ATXN10: variants seen among roughly 807,000 people sequenced by gnomAD.
ATXN10 encodes the protein ataxin-10.
ATXN10 carries 28 observed loss-of-function variants against 52.9 expected under a neutral mutation model. That is an observed-to-expected ratio of 0.53 (90% CI 0.39 to 0.73). The LOEUF is 0.73. Ranked by LOEUF, ATXN10 falls within the 30% of genes least tolerant of loss-of-function variation. The pLI, the probability that ATXN10 is intolerant of heterozygous loss-of-function variation, is 0.00. For synonymous variants in ATXN10, 226 were observed against 221.5 expected, an observed-to-expected ratio of 1.02 and a Z score of -0.18; for missense variants, 565 against 577.0, an observed-to-expected ratio of 0.98 and a Z score of 0.21.
At chr22:45,808,264 G>A (rs749369126) in intron 10 of ATXN10, among the ~76,000 whole-genome samples, 2 of 152,206 alleles carry the variant, frequency 1.3e-5, no homozygotes, top group Non-Finnish European at 2.9e-5. Context: ...AAAGCAGTAC[G>A]AGAATGTTCA....
Position 45,683,500 on chromosome 22 carries a change from C to A in ATXN10, c.117-6212C>A, listed in dbSNP as rs1267709286. 6.6e-6 allele frequency among the ~76,000 whole-genome samples: 1 copy of A among 152,160 alleles called. No homozygotes were observed. Among genetic ancestry groups the A allele is most frequent in the East Asian group, 1.9e-4 (1 of 5,200 alleles). Reference sequence around the variant, plus strand: ...CTTCCCTGTGACGTGCTCTGTATGCCTTTGCCTCTAGTCCAAGCTCTTCTC... The same window carrying A: ...CTTCCCTGTGACGTGCTCTGTATGCATTTGCCTCTAGTCCAAGCTCTTCTC... On this transcript the variant is annotated intron_variant, in intron 1 of 11. Transcript: ENST00000252934. This position sits in a 1 kb window ranked among gnomAD's most constrained non-coding sequence, Gnocchi z 4.8.
At chr22:45,788,065 G>C (rs1307516335) in intron 9 of ATXN10, among the ~76,000 whole-genome samples, 1 of 152,104 alleles carries the variant, frequency 6.6e-6, no homozygotes, top group Non-Finnish European at 1.5e-5. Flanking sequence ...GCCCTTTGCT[G>C]TCTCCATCTA....
intron 9 of ATXN10, among the ~76,000 whole-genome samples, chr22:45,796,162 C>T (rs971847618): frequency 1.1e-4 from 16 of 152,238 alleles, no homozygotes; most frequent in African/African-American, 2.9e-4. Context: ...AATGGCCGCT[C>T]AGGGAGTGTC....
intron 9 of ATXN10, among the ~76,000 whole-genome samples, chr22:45,782,574 T>A (rs1927186244): frequency 6.6e-6 from 1 of 152,080 alleles, no homozygotes; most frequent in South Asian, 2.1e-4. Context: ...GCCAAAGTAA[T>A]GTAGGGTGAT....
intron 10 of ATXN10, among the ~76,000 whole-genome samples, chr22:45,830,013 AGACAGACATCTGGACTAGTGG>A (rs1928937311): frequency 1.3e-5 from 2 of 152,236 alleles, no homozygotes; most frequent in South Asian, 4.1e-4. Flanking sequence ...ACTGACATGA[AGACAGACATCTGGACTAGTGG>A]GACAGAATAG....
chr22:45,726,476 C>T (rs974345396), intron 6 of ATXN10, among the ~76,000 whole-genome samples: 1 of 152,012 alleles, frequency 6.6e-6, no homozygotes, highest in South Asian at 2.1e-4. Flanking sequence ...CTTAAATGGT[C>T]TTTTGTATTT....
intron 9 of ATXN10, among the ~76,000 whole-genome samples, chr22:45,753,406 TTTTTTTTTTTTTTTTTTTTG>T (rs1359723105): frequency 4.1e-4 from 19 of 45,932 alleles, no homozygotes; most frequent in Admixed American, 7.9e-4. Flanking sequence ...TTTTTTTTTT[TTTTTTTTTTTTTTTTTTTTG>T]AGACAGAGTC....
chr22:45,749,545 T>G (rs187890054), intron 9 of ATXN10, among the ~76,000 whole-genome samples: 1 of 152,286 alleles, frequency 6.6e-6, no homozygotes, highest in East Asian at 1.9e-4. Context: ...AAATGTAGTT[T>G]CTTTTTTCTT....
intron 9 of ATXN10, among the ~76,000 whole-genome samples, chr22:45,745,701 C>A (rs989347433): frequency 6.6e-6 from 1 of 152,068 alleles, no homozygotes; most frequent in Non-Finnish European, 1.5e-5. Flanking sequence ...CATGTTACTC[C>A]CAGCATCTAA....
rs544184061 is a variant in ATXN10, at chr22:45,768,717, T to C, written c.1173+28179T>C. ...GAAAGGAGTGGGGAGGAACATACCT[T>C]TACAGATTAAAACTATTTAGGAGGC... On this transcript the variant is annotated intron_variant, in intron 9 of 11. Coordinates refer to ENST00000252934, the MANE Select transcript of ATXN10 (RefSeq NM_013236.4). Among the ~76,000 whole-genome samples, 56 of 152,302 alleles carry C rather than the reference T, an allele frequency of 3.7e-4. 1 individual carries two copies. Among genetic ancestry groups the C allele is most frequent in the Middle Eastern group, 3.4e-3 (1 of 294 alleles).
rs148205769 is a variant in ATXN10 at position 45,765,151 on chromosome 22, A to G, written c.1173+24613A>G. Among the ~76,000 whole-genome samples the G allele has an allele frequency of 1.8e-4, 27 of 152,272 alleles. No homozygotes were observed. The East Asian group carries it at 4.4e-3, about 25-fold the overall frequency. Reference sequence around the variant, plus strand: ...GGAAACACTACCGGGAGCCAAGGAGATTGCCCTCTCATCGCGGGGCCAGTC... The same window carrying G: ...GGAAACACTACCGGGAGCCAAGGAGGTTGCCCTCTCATCGCGGGGCCAGTC... On this transcript the variant is annotated intron_variant, in intron 9 of 11. Coordinates refer to ENST00000252934, the MANE Select transcript of ATXN10 (RefSeq NM_013236.4).
rs1334201693 is a variant in ATXN10, at chr22:45,705,145, G to T, written c.647+2298G>T. 6.6e-6 allele frequency among the ~76,000 whole-genome samples: 1 copy of T among 151,998 alleles called. No homozygotes were observed. The highest frequency in any genetic ancestry group is 1.9e-4 in the East Asian group (1 of 5,192). The stretch of plus-strand genomic sequence containing the variant: ...TCATAGTGTATAATCCTTTTTATAT[G>T]TTGCTGGATTCGGTTCATATTTTGT... On this transcript the variant is annotated intron_variant, in intron 5 of 11. Transcript: ENST00000252934. The surrounding 1 kb of genome is among the most constrained non-coding windows in gnomAD (Gnocchi z 5.2).
intron 9 of ATXN10, among the ~76,000 whole-genome samples, chr22:45,741,569 GT>G (rs1483823941): frequency 2.0e-5 from 3 of 152,154 alleles, no homozygotes; most frequent in Admixed American, 2.0e-4. Flanking sequence ...CATCTTGGGA[GT>G]AGATCCATCC....
In ATXN10 at chr22:45,712,092, T is replaced by C. The variant is rs1350559875; in HGVS notation, c.648-6321T>C. 1.3e-5 allele frequency among the ~76,000 whole-genome samples: 2 copies of C among 152,218 alleles called. No individual in the cohort carries two copies. Among genetic ancestry groups the C allele is most frequent in the African/African-American group, 4.8e-5 (2 of 41,456 alleles). ...GAGGTAATAACCAGATGGATGTTTT[T>C]GAGGCATGCAAGTGGCTCTTTTTGG... On this transcript the variant is annotated intron_variant, in intron 5 of 11. Transcript: ENST00000252934. The surrounding 1 kb of genome is among the most constrained non-coding windows in gnomAD (Gnocchi z 4.6).
rs1380823324 is a variant in ATXN10, at chr22:45,775,479, C to T, written c.1174-31480C>T. 3.3e-5 allele frequency among the ~76,000 whole-genome samples: 5 copies of T among 152,182 alleles called. No individual in the cohort carries two copies. Among genetic ancestry groups the T allele is most frequent in the Non-Finnish European group, 7.4e-5 (5 of 68,024 alleles). On this transcript the variant is annotated intron_variant, in intron 9 of 11. Coordinates refer to ENST00000252934, the MANE Select transcript of ATXN10 (RefSeq NM_013236.4). The surrounding 1 kb of genome is among the most constrained non-coding windows in gnomAD (Gnocchi z 4.7). ...TTTAGTTGTCTTTATTCTGTTCAAA[C>T]ATTTTCTTGTTTACTTGTTGAAGCA...
At position 45,843,653 on chromosome 22, in the gene ATXN10, C is replaced by A. The variant is rs199600628; in HGVS notation, c.1426-16C>A. The stretch of plus-strand genomic sequence containing the variant: ...ATTTGCTACATCTGCAATTTTGTTT[C>A]TTTCTTCTTCTTTAGTGAATGAACT... On this transcript the variant is annotated splice_polypyrimidine_tract_variant and intron_variant, in intron 11 of 11. Coordinates refer to ENST00000252934, the MANE Select transcript of ATXN10 (RefSeq NM_013236.4). The surrounding 1 kb of genome is among the most constrained non-coding windows in gnomAD (Gnocchi z 4.5). 433 of 1,611,396 alleles carry A rather than the reference C, an allele frequency of 2.7e-4. 1 individual carries two copies. The Middle Eastern group carries it at 3.6e-3, about 14-fold the overall frequency.
At chr22:45,730,321 G>A (rs1241033188) in intron 7 of ATXN10, among the ~76,000 whole-genome samples, 1 of 147,242 alleles carries the variant, frequency 6.8e-6, no homozygotes, top group African/African-American at 2.5e-5. Flanking sequence ...TCCAGCTCGG[G>A]TGATGCAGTG....
Position 45,678,301 on chromosome 22 carries a change from G to A in ATXN10, c.116+6122G>A, listed in dbSNP as rs1022764441. ...TGTACCAAAATCCATTTAATTGTAC[G>A]CTTTAAGTGGGTGACTTTAGTGTGC... On this transcript the variant is annotated intron_variant, in intron 1 of 11. Coordinates refer to ENST00000252934, the MANE Select transcript of ATXN10 (RefSeq NM_013236.4). The surrounding 1 kb of genome is among the most constrained non-coding windows in gnomAD (Gnocchi z 4.1). The A allele has an allele frequency of 4.6e-5, 7 of 152,034 alleles. No individual in the cohort carries two copies. Among genetic ancestry groups the A allele is most frequent in the South Asian group, 4.1e-4 (2 of 4,820 alleles). 9.4% of individuals were successfully genotyped at this position (152,034 alleles called of 1,614,324 possible). A position where few individuals can be genotyped will look rare whatever the true frequency, so the allele number is the denominator to read the frequency against.
rs1169850538 is a variant in ATXN10, at chr22:45,841,933, G to C, written c.1238-1058G>C. On this transcript the variant is annotated intron_variant, in intron 10 of 11. Transcript: ENST00000252934. The surrounding 1 kb of genome is among the most constrained non-coding windows in gnomAD (Gnocchi z 5.1). ...ACCTTGTGGGGACACTGACTCCCTG[G>C]TTCTGGCATTGGCAGTGCCCGAGTG... Among the ~76,000 whole-genome samples, 1 of 152,212 alleles carries C rather than the reference G, an allele frequency of 6.6e-6. No homozygotes were observed. The highest frequency in any genetic ancestry group is 2.4e-5 in the African/African-American group (1 of 41,448).
Sources: allele counts gnomAD v4.1 joint callset (sites outside exome capture counted in the v4.1 genomes callset), GRCh38; gene constraint gnomAD v4.1.1; non-coding constraint Gnocchi (gnomAD v3.1); transcripts MANE v1.5; gene names NCBI Gene and HGNC (gene_info 2026-07-23, HGNC 2026-07-21).